The following MGAM variants were observed in gnomAD, a reference collection of about 807,000 sequenced individuals.
MGAM encodes maltase-glucoamylase.
Under a neutral mutation model 358.8 loss-of-function variants are expected in MGAM, and 253 were observed. The observed-to-expected ratio is 0.71, with a 90% CI of 0.64 to 0.78. The LOEUF is 0.78. MGAM is among the 30% of genes least tolerant of loss of function. The probability of loss-of-function intolerance (pLI) is 0.00; values close to 1 mark genes in which losing one functional copy is unlikely to be tolerated. For synonymous variants in MGAM, 1,105 were observed against 1,227.1 expected (o/e 0.90, Z 2.08); for missense variants, 3,080 against 3,432.6 (o/e 0.90, Z 2.57).
chr7:142,042,014 A>G (rs1808797176), intron 21 of MGAM, among the ~76,000 whole-genome samples: 1 of 22,422 alleles, frequency 4.5e-5, no homozygotes, highest in Non-Finnish European at 6.8e-5. Flanking sequence ...TATATAATAT[A>G]ATATATATAT....
At chr7:142,014,245 G>A (rs1306657515) in intron 3 of MGAM, among the ~76,000 whole-genome samples, 1 of 152,142 alleles carries the variant, frequency 6.6e-6, no homozygotes, top group Non-Finnish European at 1.5e-5. Flanking sequence ...AGTTCTGTAG[G>A]TCGTTATGTT....
chr7:142,103,619 A>G (rs62479374), intron 70 of MGAM, among the ~76,000 whole-genome samples, 180 bp downstream of exon 70: 37,946 of 152,036 alleles, frequency 0.25, 5,683 homozygotes, highest in Non-Finnish European at 0.33. Flanking sequence ...GTTTATCATC[A>G]TTTGGAATCC....
In MGAM at chr7:142,106,137, GTGA is replaced by G; in HGVS notation, c.*247_*249del. The G allele has an allele frequency of 2.8e-6, 1 of 351,570 alleles. No individual in the cohort carries two copies. The highest frequency in any genetic ancestry group is 5.4e-6 in the Non-Finnish European group (1 of 184,756). The allele number at this position is 351,570 out of a possible 1,614,324, so 21.8% of individuals were successfully genotyped here. A position where few individuals can be genotyped will look rare whatever the true frequency, so the allele number is the denominator to read the frequency against. On this transcript the variant is annotated 3_prime_UTR_variant, in exon 71 of 71. Coordinates refer to ENST00000475668, the MANE Select transcript of MGAM (RefSeq NM_001365693.1). ...ATGTCTCTGTGTGGTTAGTATGGTA[GTGA>G]CTGTTCATCATATGACATTTACTGA...
chr7:142,063,355 C>T (rs887458773), intron 35 of MGAM, 144 bp from the exon 36 acceptor site: 2 of 945,628 alleles, frequency 2.1e-6, no homozygotes, highest in Non-Finnish European at 3.2e-6. Context: ...AGCCAGTTCT[C>T]ACCAGGATTT....
chr7:142,071,544 A>G lies in MGAM; in HGVS notation c.5186+426A>G, dbSNP rs1265674997. Among the ~76,000 whole-genome samples the G allele has an allele frequency of 6.8e-5, 10 of 146,400 alleles. 1 individual carries two copies. Among genetic ancestry groups the G allele is most frequent in the Non-Finnish European group, 1.4e-4 (9 of 64,632 alleles). On this transcript the variant is annotated intron_variant, in intron 44 of 70. Coordinates refer to ENST00000475668, the MANE Select transcript of MGAM (RefSeq NM_001365693.1). The stretch of plus-strand genomic sequence containing the variant: ...AGGTGGTCAGCCTCCTTGGTTTGCC[A>G]GGACTGATGCATTTTAGCACCAGAA...
At position 142,083,563 on chromosome 7, in the gene MGAM, C is replaced by G. The variant is rs563849499; in HGVS notation, c.6381+150C>G. On this transcript the variant is annotated intron_variant, in intron 53 of 70. Transcript: ENST00000475668. ...TAGAATAAGGAAAAATAAATACATT[C>G]TAATCACCATTAAATTTATAGCCTC... 7.6e-6 allele frequency: 5 copies of G among 659,982 alleles called. 1 individual carries two copies. In the South Asian group the frequency reaches 1.2e-4, roughly 16 times the overall value. The allele number at this position is 659,982 out of a possible 1,614,324, so 40.9% of individuals were successfully genotyped here. A position where few individuals can be genotyped will look rare whatever the true frequency, so the allele number is the denominator to read the frequency against.
In MGAM at chr7:142,034,682, T is replaced by C. The variant is rs530453099; in HGVS notation, c.1800T>C (p.Thr600=). Residue 600 remains threonine (T), a synonymous_variant, in exon 16 of 71, where the codon ACT becomes ACC. Transcript: ENST00000475668. The part of the protein sequence containing the change: ...MAVATAEAAK[T]VFPNKRSFIL... ...CTCTCCCTTGCAGAGCTGCCAAGAC[T>C]GTGTTCCCTAATAAGAGAAGCTTCA... The C allele has an allele frequency of 2.5e-6, 4 of 1,613,310 alleles. No individual in the cohort carries two copies. The highest frequency in any genetic ancestry group is 3.4e-6 in the Non-Finnish European group (4 of 1,179,554).
chr7:141,999,763 T>TA (rs1554450073), intron 1 of MGAM, among the ~76,000 whole-genome samples: 1 of 152,196 alleles, frequency 6.6e-6, no homozygotes, highest in African/African-American at 2.4e-5. Flanking sequence ...TAACCCTATT[T>TA]AAATTATTTC....
At chr7:142,022,865 T>C (rs568042827) in intron 7 of MGAM, among the ~76,000 whole-genome samples, 1 of 152,316 alleles carries the variant, frequency 6.6e-6, no homozygotes, top group African/African-American at 2.4e-5. Flanking sequence ...ACCAGGTTTA[T>C]CATCACAATA....
rs146995745 is a variant in MGAM at position 142,021,069 on chromosome 7, C to T, written c.544C>T (p.Arg182Cys). 1.1e-5 allele frequency: 17 copies of T among 1,604,444 alleles called. No homozygotes were observed. The highest frequency in any genetic ancestry group is 8.9e-5 in the East Asian group (4 of 44,738). The change falls in exon 5 of 71, where the codon CGT becomes TGT. Residue 182 changes from arginine (R) to cysteine (C), a missense_variant. Transcript: ENST00000475668. ...LLTAEYQTSN[R>C]FHFKLTDQTN... The stretch of plus-strand genomic sequence containing the variant: ...CACAGCAGAATATCAGACATCTAAT[C>T]GTTTCCACTTTAAGGTTGTAATTTG...
At position 142,055,705 on chromosome 7, in the gene MGAM, C is replaced by A. The variant is rs1563173260; in HGVS notation, c.3462C>A (p.Phe1154Leu). The change falls in exon 28 of 71, where the codon TTC becomes TTA. Residue 1154 changes from phenylalanine (F) to leucine (L), a missense_variant. Phe to Leu is a conservative substitution (Grantham distance 22). Around this residue, in one of 5 missense-constraint regions of MGAM, gnomAD observed 1,816 missense variants for 1,840.5 expected, o/e 0.99. Coordinates refer to ENST00000475668, the MANE Select transcript of MGAM (RefSeq NM_001365693.1). ...RDLEWHTWGM[F>L]SRDQPPGYKK... Reference sequence around the variant, plus strand: ...TGGAGTGGCACACTTGGGGGATGTTCTCCCGAGACCAGCCCCCAGGGGTAA... The same window carrying A: ...TGGAGTGGCACACTTGGGGGATGTTATCCCGAGACCAGCCCCCAGGGGTAA... 6.2e-7 allele frequency: 1 copy of A among 1,613,800 alleles called. No homozygotes were observed. Among genetic ancestry groups the A allele is most frequent in the Non-Finnish European group, 8.5e-7 (1 of 1,179,878 alleles).
chr7:142,047,824 G>A lies in MGAM; in HGVS notation c.2538G>A (p.Glu846=), dbSNP rs1184861911. 6.8e-6 allele frequency: 11 copies of A among 1,612,562 alleles called. No individual in the cohort carries two copies. Among genetic ancestry groups the A allele is most frequent in the East Asian group, 6.7e-5 (3 of 44,840 alleles). The stretch of plus-strand genomic sequence containing the variant: ...TTGGTCTTATCATTGCCCTAGATGA[G>A]AACAAAGAAGCAAAAGGAGAACTTT... ...NPLGLIIALD[E]NKEAKGELFW... Residue 846 remains glutamate, a synonymous_variant, in exon 22 of 71, where the codon GAG becomes GAA. Transcript: ENST00000475668.
At position 142,093,423 on chromosome 7, in the gene MGAM, A is replaced by G. The variant is rs1325675222; in HGVS notation, c.7045A>G (p.Arg2349Gly). Residue 2349 changes from arginine (R) to glycine (G), a missense_variant, in exon 60 of 71, where the codon AGG becomes GGG. Around this residue, in one of 5 missense-constraint regions of MGAM, gnomAD observed 932 missense variants for 1,198.2 expected, o/e 0.78. Transcript: ENST00000475668. Reference protein sequence around the residue: ...HPPYMPYLESRDRGLSSKTLC... With the variant: ...HPPYMPYLESGDRGLSSKTLC... Reference sequence around the variant, plus strand: ...TTCTTCCTCCTCAGATTTGGAGTCCAGGGACAGGGGCCTGAGCAGCAAGAC... The same window carrying G: ...TTCTTCCTCCTCAGATTTGGAGTCCGGGGACAGGGGCCTGAGCAGCAAGAC... 2 of 1,538,332 alleles carry G rather than the reference A, an allele frequency of 1.3e-6. No homozygotes were observed. The highest frequency in any genetic ancestry group is 2.3e-5 in the South Asian group (2 of 86,154).
chr7:142,000,243 C>T (rs1554450225), intron 1 of MGAM, among the ~76,000 whole-genome samples: 1 of 152,064 alleles, frequency 6.6e-6, no homozygotes, highest in African/African-American at 2.4e-5. Context: ...AATATGTCAG[C>T]CAGGACTGTA....
chr7:142,003,265 A>T (rs577680913), intron 1 of MGAM, among the ~76,000 whole-genome samples: 2 of 152,222 alleles, frequency 1.3e-5, no homozygotes, highest in South Asian at 4.1e-4. Flanking sequence ...AGCCCAAGTA[A>T]TCCAAAGCAA....
At chr7:142,060,991 T>C (rs141477395) in intron 34 of MGAM, among the ~76,000 whole-genome samples, 3,735 of 152,126 alleles carry the variant, frequency 0.025, 64 homozygotes, top group Non-Finnish European at 0.037. Context: ...ATCCAAGTAG[T>C]CCATGCTTCT....
At chr7:142,046,751 C>A (rs886701148) in intron 21 of MGAM, among the ~76,000 whole-genome samples, 3 of 152,078 alleles carry the variant, frequency 2.0e-5, no homozygotes, top group Non-Finnish European at 4.4e-5. Flanking sequence ...GAATATTTTA[C>A]TGGGTAAGTC....
chr7:142,031,869 C>A, intron 13 of MGAM, 76 bp downstream of exon 13: 1 of 1,019,676 alleles, frequency 9.8e-7, no homozygotes, highest in Non-Finnish European at 1.5e-6. Context: ...CTTTGAGTCA[C>A]AGAGCATAGG....
In MGAM at chr7:142,106,176, G is replaced by T; in HGVS notation, c.*285G>T. 1 of 239,552 alleles carries T rather than the reference G, an allele frequency of 4.2e-6. No individual in the cohort carries two copies. Among genetic ancestry groups the T allele is most frequent in the Non-Finnish European group, 8.4e-6 (1 of 118,824 alleles). The allele number at this position is 239,552 out of a possible 1,614,324, so 14.8% of individuals were successfully genotyped here. A position where few individuals can be genotyped will look rare whatever the true frequency, so the allele number is the denominator to read the frequency against. ...TATGACATTTACTGAAGATGAACTG[G>T]GTCCATGATGAAGTGTGTGTATGTC... On this transcript the variant is annotated 3_prime_UTR_variant, in exon 71 of 71. Coordinates refer to ENST00000475668, the MANE Select transcript of MGAM (RefSeq NM_001365693.1).
Sources: allele counts gnomAD v4.1 joint callset (sites outside exome capture counted in the v4.1 genomes callset), GRCh38; gene constraint gnomAD v4.1.1; regional missense constraint gnomAD v4.1.1; transcripts MANE v1.5; gene names NCBI Gene and HGNC (gene_info 2026-07-23, HGNC 2026-07-21).